The following SRBD1 variants were observed in gnomAD, a reference collection of about 807,000 sequenced individuals.
SRBD1 encodes S1 RNA binding domain 1.
SRBD1 carries 88 observed loss-of-function variants against 115.3 expected under a neutral mutation model. The observed-to-expected ratio is 0.76, with a 90% CI of 0.64 to 0.91. The LOEUF (loss-of-function observed/expected upper bound fraction) is 0.91, where lower values mean the gene tolerates loss of function less well. Ranked by LOEUF, SRBD1 falls within the 40% of genes least tolerant of loss-of-function variation. The pLI, the probability that SRBD1 is intolerant of heterozygous loss-of-function variation, is 0.00. For missense variants in SRBD1, 1,385 were observed against 1,177.4 expected (o/e 1.18, Z -2.58); for synonymous variants, 509 against 407.7 (o/e 1.25, Z -2.99).
At chr2:45,410,865 G>C (rs914510281) in intron 19 of SRBD1, among the ~76,000 whole-genome samples, 4 of 152,204 alleles carry the variant, frequency 2.6e-5, no homozygotes, top group Admixed American at 2.6e-4. Flanking sequence ...GTATGCCCAT[G>C]TAGAAGTTCC....
chr2:45,581,576 T>C (rs1009525438), intron 6 of SRBD1, 117 bp downstream of exon 6: 19 of 699,470 alleles, frequency 2.7e-5, no homozygotes, highest in Non-Finnish European at 2.8e-5. Context: ...TTTTGTTGCA[T>C]TAAATAATGG....
intron 16 of SRBD1, among the ~76,000 whole-genome samples, chr2:45,429,093 C>G (rs1399465151): frequency 6.6e-6 from 1 of 152,036 alleles, no homozygotes; most frequent in Admixed American, 6.5e-5. Flanking sequence ...CAAGACTACA[C>G]CAGGAAAAAG....
At chr2:45,574,933 T>C (rs1054301000) in intron 7 of SRBD1, among the ~76,000 whole-genome samples, 2 of 152,142 alleles carry the variant, frequency 1.3e-5, no homozygotes, top group African/African-American at 4.8e-5. Context: ...ATACATAATA[T>C]ACTGCCCAGT....
chr2:45,569,378 T>C (rs1272305821), intron 9 of SRBD1: 6 of 152,162 alleles, frequency 3.9e-5, no homozygotes, highest in Non-Finnish European at 8.8e-5. Context: ...CTAAACTCAA[T>C]GTGAACACCC....
chr2:45,583,200 T>A (rs372766486), intron 5 of SRBD1, among the ~76,000 whole-genome samples: 2 of 142,872 alleles, frequency 1.4e-5, no homozygotes, highest in East Asian at 3.9e-4. Flanking sequence ...GAAAATTAAA[T>A]CTACTTGTAA....
intron 4 of SRBD1, among the ~76,000 whole-genome samples, chr2:45,590,782 C>T (rs1351426132): frequency 1.3e-5 from 2 of 152,044 alleles, no homozygotes; most frequent in East Asian, 1.9e-4. Context: ...TTTGGGAGGC[C>T]GAGGCGTGCG....
intron 19 of SRBD1, among the ~76,000 whole-genome samples, chr2:45,396,029 G>A (rs1025816792): frequency 6.6e-6 from 1 of 152,000 alleles, no homozygotes; most frequent in African/African-American, 2.4e-5. Context: ...ATACAGAAGT[G>A]AACAGGTAGT....
chr2:45,397,098 C>T (rs1211605353), intron 19 of SRBD1, among the ~76,000 whole-genome samples: 1 of 152,080 alleles, frequency 6.6e-6, no homozygotes, highest in Non-Finnish European at 1.5e-5. Context: ...AAATTAAATG[C>T]AAGAACACAT....
rs372929492 is a variant in SRBD1, at chr2:45,534,918, A to G, written c.1874+11814T>C. On this transcript the variant is annotated intron_variant, in intron 14 of 20. Transcript: ENST00000263736. ...TGCTGCACATTATTCTGATAAAGTC[A>G]CCCACAGAGTAAAAAGAAACCCGAG... Among the ~76,000 whole-genome samples the G allele has an allele frequency of 8.4e-4, 128 of 152,050 alleles. 1 individual carries two copies. The highest frequency in any genetic ancestry group is 3.0e-3 in the African/African-American group (124 of 41,542).
intron 18 of SRBD1, among the ~76,000 whole-genome samples, chr2:45,416,188 A>G (rs1251789728): frequency 1.3e-5 from 2 of 152,208 alleles, no homozygotes; most frequent in Non-Finnish European, 2.9e-5. Context: ...TATTAATAAC[A>G]GATTGAGTAA....
chr2:45,398,200 A>C (rs1667200130), intron 19 of SRBD1, among the ~76,000 whole-genome samples: 1 of 152,194 alleles, frequency 6.6e-6, no homozygotes, highest in Non-Finnish European at 1.5e-5. Context: ...ACATTTTAAA[A>C]ATGTAACCCC....
chr2:45,571,923 G>A (rs1037468185), intron 9 of SRBD1, among the ~76,000 whole-genome samples: 2 of 152,042 alleles, frequency 1.3e-5, no homozygotes, highest in Non-Finnish European at 2.9e-5. Flanking sequence ...TACATATAAT[G>A]GGAGACCCAG....
Position 45,580,012 on chromosome 2 carries a change from G to A in SRBD1, c.935C>T (p.Ser312Phe). Residue 312 changes from serine to phenylalanine, a missense_variant and splice_region_variant, in exon 7 of 21, where the codon TCT (serine) becomes TTT (phenylalanine). Coordinates refer to ENST00000263736, the MANE Select transcript of SRBD1 (RefSeq NM_018079.5). Reference sequence around the variant, plus strand: ...TTTGCTTCCAGTTTTATATGGAGCAGACTAGAAAATAAAGACAGAAAACAT... The same window carrying A: ...TTTGCTTCCAGTTTTATATGGAGCAAACTAGAAAATAAAGACAGAAAACAT... ...CKTFEELEHV[S>F]APYKTGSKGT... The A allele has an allele frequency of 6.5e-7, 1 of 1,534,952 alleles. No individual in the cohort carries two copies. Among genetic ancestry groups the A allele is most frequent in the Non-Finnish European group, 8.7e-7 (1 of 1,144,224 alleles).
At chr2:45,540,167 C>G (rs749892373) in intron 14 of SRBD1, among the ~76,000 whole-genome samples, 4 of 151,778 alleles carry the variant, frequency 2.6e-5, no homozygotes, top group Admixed American at 6.6e-5. Flanking sequence ...ACAGTGAAAC[C>G]CTGTCTCTAC....
At chr2:45,476,646 CATG>C (rs1402129464) in intron 16 of SRBD1, among the ~76,000 whole-genome samples, 1 of 152,158 alleles carries the variant, frequency 6.6e-6, no homozygotes, top group South Asian at 2.1e-4. Context: ...AAGTTCAATG[CATG>C]ATATCACTAT....
At chr2:45,544,076 T>TA (rs1236520750) in intron 14 of SRBD1, among the ~76,000 whole-genome samples, 3 of 151,598 alleles carry the variant, frequency 2.0e-5, no homozygotes, top group South Asian at 4.2e-4. Flanking sequence ...CTAAAAACTA[T>TA]AAAAAAATTA....
intron 5 of SRBD1, 125 bp downstream of exon 5, chr2:45,585,483 C>G (rs1572808590): frequency 3.8e-6 from 4 of 1,039,906 alleles, no homozygotes; most frequent in Non-Finnish European, 5.5e-6. Flanking sequence ...AGGACTATAT[C>G]CAGATTACAA....
chr2:45,456,518 T>C (rs1034193954), intron 16 of SRBD1, among the ~76,000 whole-genome samples: 1 of 151,964 alleles, frequency 6.6e-6, no homozygotes, highest in African/African-American at 2.4e-5. Context: ...TACTGTCATA[T>C]AACCAATGTT....
intron 16 of SRBD1, among the ~76,000 whole-genome samples, chr2:45,428,138 A>C (rs368852990): frequency 6.6e-6 from 1 of 152,244 alleles, no homozygotes; most frequent in Non-Finnish European, 1.5e-5. Context: ...AACAGAAATC[A>C]TAACAAACAG....
Sources: allele counts gnomAD v4.1 joint callset (sites outside exome capture counted in the v4.1 genomes callset), GRCh38; gene constraint gnomAD v4.1.1; transcripts MANE v1.5; gene names NCBI Gene and HGNC (gene_info 2026-07-23, HGNC 2026-07-21).